Variants in MAN2B2 observed in about 807,000 individuals in gnomAD.
MAN2B2 encodes epididymis-specific alpha-mannosidase.
In MAN2B2, 106 loss-of-function variants were observed where a neutral mutation model predicts 117.1. The ratio of observed to expected loss-of-function variants is 0.90; its 90% CI spans 0.77 to 1.06. MAN2B2 has a LOEUF of 1.06. Ranked by LOEUF, MAN2B2 falls within the 50% of genes least tolerant of loss-of-function variation. The probability of loss-of-function intolerance (pLI) is 0.00; values close to 1 mark genes in which losing one functional copy is unlikely to be tolerated. For synonymous variants in MAN2B2, 544 were observed against 595.1 expected (o/e 0.91, Z 1.25); for missense variants, 1,326 against 1,381.4 (o/e 0.96, Z 0.64).
At chr4:6,580,406 G>A (rs1445082826) in intron 3 of MAN2B2, among the ~76,000 whole-genome samples, 2 of 152,188 alleles carry the variant, frequency 1.3e-5, no homozygotes, top group African/African-American at 4.8e-5. Flanking sequence ...TGTGAAGTGT[G>A]GGCAAGGGAT....
chr4:6,600,704 G>GTT lies in MAN2B2; in HGVS notation c.1489_1490dup (p.Pro498SerfsTer33). ...ACCACCATCGTCACCCTGACTGTTG[G>GTT]TTTCCCTGGAGTCCGCGTCACAGAT... On this transcript the variant is annotated frameshift_variant, in exon 10 of 19. Transcript: ENST00000285599. LOFTEE classifies it high-confidence loss of function. 1 of 1,614,010 alleles carries GTT rather than the reference G, an allele frequency of 6.2e-7. No individual in the cohort carries two copies. The highest frequency in any genetic ancestry group is 1.1e-5 in the South Asian group (1 of 91,076).
chr4:6,598,254 C>T lies in MAN2B2; in HGVS notation c.1305C>T (p.Tyr435=), dbSNP rs941275172. Residue 435 remains tyrosine, a synonymous_variant, in exon 9 of 19, where the codon TAC becomes TAT. Transcript: ENST00000285599. ...AGTCCCCCAAGGTGAGAGACATGTACGCAACGCACCTGGCCTCGGGGATGC... is the reference window on the plus strand; with the variant it reads ...AGTCCCCCAAGGTGAGAGACATGTATGCAACGCACCTGGCCTCGGGGATGC... The part of the protein sequence containing the change: ...GTESPKVRDM[Y]ATHLASGMLG... 8 of 1,613,660 alleles carry T rather than the reference C, an allele frequency of 5.0e-6. No homozygotes were observed. The highest frequency in any genetic ancestry group is 1.6e-4 in the Middle Eastern group (1 of 6,082).
chr4:6,620,406 C>T, intron 18 of MAN2B2: 1 of 236,836 alleles, frequency 4.2e-6, no homozygotes, highest in East Asian at 1.1e-4. Context: ...ACATGTGCCA[C>T]CGTGAGCTCC....
chr4:6,599,916 TGCCAGGTGG>T (rs1002943214), intron 9 of MAN2B2, among the ~76,000 whole-genome samples: 1 of 152,224 alleles, frequency 6.6e-6, no homozygotes, highest in Non-Finnish European at 1.5e-5. Flanking sequence ...CTGGCTTCAC[TGCCAGGTGG>T]GGACTTTTGA....
intron 6 of MAN2B2, among the ~76,000 whole-genome samples, chr4:6,594,053 G>A (rs891280182): frequency 6.6e-6 from 1 of 151,972 alleles, no homozygotes; most frequent in Non-Finnish European, 1.5e-5. Context: ...ACTCAGTCAT[G>A]GTTATTATTG....
In MAN2B2 at chr4:6,609,095, CT is replaced by C; in HGVS notation, c.1815-11del. The C allele has an allele frequency of 6.2e-7, 1 of 1,609,404 alleles. No individual in the cohort carries two copies. The highest frequency in any genetic ancestry group is 8.5e-7 in the Non-Finnish European group (1 of 1,177,098). Reference sequence around the variant, plus strand: ...GGATGAGAATGACATCTTCTCTCTCCTGCCTCTGCAGACAGAGTAACCGAAC... The same window carrying C: ...GGATGAGAATGACATCTTCTCTCTCCGCCTCTGCAGACAGAGTAACCGAAC... On this transcript the variant is annotated splice_polypyrimidine_tract_variant and intron_variant, in intron 11 of 18. Transcript: ENST00000285599.
chr4:6,611,303 ACAT>A, intron 15 of MAN2B2, 25 bp downstream of exon 15: 1 of 1,571,368 alleles, frequency 6.4e-7, no homozygotes, highest in Non-Finnish European at 8.6e-7. Flanking sequence ...TTTCAGAGTA[ACAT>A]CATCACTGCC....
chr4:6,619,067 G>C (rs1294472246), intron 17 of MAN2B2: 1 of 152,294 alleles, frequency 6.6e-6, no homozygotes, highest in Non-Finnish European at 1.5e-5. Flanking sequence ...GAGACGGTTG[G>C]GATGGACACC....
At chr4:6,604,015 G>A (rs1172198283) in intron 10 of MAN2B2, among the ~76,000 whole-genome samples, 1 of 152,238 alleles carries the variant, frequency 6.6e-6, no homozygotes, top group Admixed American at 6.5e-5. Flanking sequence ...GGCCAGGAGG[G>A]TTAACCTGGA....
At chr4:6,580,636 C>T (rs111551376) in intron 3 of MAN2B2, among the ~76,000 whole-genome samples, 2 of 152,240 alleles carry the variant, frequency 1.3e-5, no homozygotes, top group Admixed American at 6.5e-5. Context: ...CTCTGAGTCT[C>T]TGCAGTTCTG....
At chr4:6,599,150 G>A (rs896901062) in intron 9 of MAN2B2, among the ~76,000 whole-genome samples, 3 of 152,200 alleles carry the variant, frequency 2.0e-5, no homozygotes, top group Admixed American at 6.5e-5. Flanking sequence ...AGGCTGGAGT[G>A]CAGTGGTGCC....
chr4:6,599,192 G>T (rs1271143299), intron 9 of MAN2B2, among the ~76,000 whole-genome samples: 1 of 152,126 alleles, frequency 6.6e-6, no homozygotes, highest in African/African-American at 2.4e-5. Context: ...TAGACTCCTG[G>T]GCTTGAGCGA....
At chr4:6,579,192 GCACCACCACCATCACCATCACCAC>G (rs1726263149) in intron 3 of MAN2B2, among the ~76,000 whole-genome samples, 4 of 5,146 alleles carry the variant, frequency 7.8e-4, no homozygotes, top group African/African-American at 1.6e-3. Context: ...ACCATCACCA[GCACCACCACCATCACCATCACCAC>G]CACCACCACC....
At chr4:6,601,975 C>A (rs550834070) in intron 10 of MAN2B2, among the ~76,000 whole-genome samples, 2 of 152,332 alleles carry the variant, frequency 1.3e-5, no homozygotes, top group African/African-American at 2.4e-5. Flanking sequence ...ATCTACCCAG[C>A]GGACTGATAC....
At chr4:6,597,456 G>T (rs2108745893) in intron 8 of MAN2B2, among the ~76,000 whole-genome samples, 153 bp downstream of exon 8, 2 of 152,380 alleles carry the variant, frequency 1.3e-5, no homozygotes, top group South Asian at 4.1e-4. Flanking sequence ...CAAGGCCAGT[G>T]CATGGTGAAC....
At position 6,594,702 on chromosome 4, in the gene MAN2B2, G is replaced by A. The variant is rs780442099; in HGVS notation, c.1027G>A (p.Asp343Asn). 1.7e-5 allele frequency: 28 copies of A among 1,612,080 alleles called. No homozygotes were observed. The highest frequency in any genetic ancestry group is 6.6e-5 in the South Asian group (6 of 90,964). The part of the protein sequence containing the change: ...HALNVTWRVR[D>N]HHDFLPYSTE... ...TCTCAATGTCACCTGGCGTGTCCGC[G>A]ACCACCACGACTTCCTGCCCTATTC... The change falls in exon 7 of 19, where the codon GAC becomes AAC. Residue 343 changes from aspartate to asparagine, a missense_variant. Coordinates refer to ENST00000285599, the MANE Select transcript of MAN2B2 (RefSeq NM_015274.3).
intron 3 of MAN2B2, among the ~76,000 whole-genome samples, chr4:6,582,216 C>T (rs1162999070): frequency 6.6e-6 from 1 of 152,146 alleles, no homozygotes; most frequent in Non-Finnish European, 1.5e-5. Context: ...TCAGCCCTGT[C>T]CCCCAACCCC....
intron 11 of MAN2B2, among the ~76,000 whole-genome samples, chr4:6,607,234 C>T (rs1035144369): frequency 2.0e-5 from 3 of 152,188 alleles, no homozygotes; most frequent in African/African-American, 7.2e-5. Flanking sequence ...GAGAGAGTCT[C>T]ACTCTGTAAT....
chr4:6,603,234 G>A (rs1405804935), intron 10 of MAN2B2, among the ~76,000 whole-genome samples: 1 of 152,166 alleles, frequency 6.6e-6, no homozygotes, highest in African/African-American at 2.4e-5. Flanking sequence ...TCCGGTTCCA[G>A]AGGGCGCCAG....
Sources: allele counts gnomAD v4.1 joint callset (sites outside exome capture counted in the v4.1 genomes callset), GRCh38; gene constraint gnomAD v4.1.1; transcripts MANE v1.5; gene names NCBI Gene and HGNC (gene_info 2026-07-23, HGNC 2026-07-21).